ADK: variants seen among roughly 807,000 people sequenced by gnomAD.
ADK encodes the protein N6,N6-dimethyladenosine kinase.
In ADK, 24 loss-of-function variants were observed where a neutral mutation model predicts 44.7. The ratio of observed to expected loss-of-function variants is 0.54; its 90% CI spans 0.39 to 0.76. The LOEUF is 0.76. Ranked by LOEUF, ADK falls within the 30% of genes least tolerant of loss-of-function variation. The probability of loss-of-function intolerance (pLI) is 0.00; values close to 1 mark genes in which losing one functional copy is unlikely to be tolerated. For missense variants in ADK, 321 were observed against 425.1 expected (o/e 0.76, Z 2.15); for synonymous variants, 128 against 142.6 (o/e 0.90, Z 0.73).
At chr10:74,576,726 G>A (rs1369329636) in intron 7 of ADK, among the ~76,000 whole-genome samples, 2 of 151,900 alleles carry the variant, frequency 1.3e-5, no homozygotes, top group African/African-American at 2.4e-5. Flanking sequence ...TATAATGTTC[G>A]GTACAACAGA....
chr10:74,475,191 A>G lies in ADK; in HGVS notation c.556-50065A>G, dbSNP rs966366925. On this transcript the variant is annotated intron_variant, in intron 6 of 10. Transcript: ENST00000539909. ...AAACCCTTAATTGTCATTTATATCA[A>G]TAGGGCTCATGGATATTTATTTAGT... Among the ~76,000 whole-genome samples the G allele has an allele frequency of 3.9e-5, 6 of 152,166 alleles. No individual in the cohort carries two copies. In the East Asian group the frequency reaches 5.8e-4, roughly 15 times the overall value.
At chr10:74,248,926 A>G (rs1845536798) in intron 3 of ADK, among the ~76,000 whole-genome samples, 1 of 152,232 alleles carries the variant, frequency 6.6e-6, no homozygotes, top group Admixed American at 6.5e-5. Context: ...GATAAACATT[A>G]GAAAGGAGGA....
At chr10:74,191,904 A>C (rs1842963582) in intron 1 of ADK, among the ~76,000 whole-genome samples, 1 of 152,160 alleles carries the variant, frequency 6.6e-6, no homozygotes, top group African/African-American at 2.4e-5. Context: ...ACCACAAAGA[A>C]ATTTCTTCAT....
At chr10:74,531,388 TAA>T (rs1232647483) in intron 7 of ADK, among the ~76,000 whole-genome samples, 4 of 152,172 alleles carry the variant, frequency 2.6e-5, no homozygotes, top group African/African-American at 4.8e-5. Flanking sequence ...ACAAATTTGT[TAA>T]AAGACACAAA....
intron 2 of ADK, among the ~76,000 whole-genome samples, chr10:74,205,931 A>G (rs1843580407): frequency 6.6e-6 from 1 of 152,202 alleles, no homozygotes; most frequent in Non-Finnish European, 1.5e-5. Context: ...TATATAACGT[A>G]TCAAATTGTA....
At chr10:74,493,576 G>A (rs894729439) in intron 6 of ADK, among the ~76,000 whole-genome samples, 3 of 149,568 alleles carry the variant, frequency 2.0e-5, no homozygotes, top group Admixed American at 2.0e-4. Context: ...TATAGATGAG[G>A]TCTCCATATG....
intron 9 of ADK, among the ~76,000 whole-genome samples, chr10:74,649,482 A>G (rs946521543): frequency 1.2e-4 from 18 of 152,050 alleles, no homozygotes; most frequent in African/African-American, 4.3e-4. Flanking sequence ...ACAATTAGCC[A>G]GGTATGATGG....
chr10:74,321,901 G>C (rs1840820991), intron 4 of ADK, among the ~76,000 whole-genome samples: 1 of 151,964 alleles, frequency 6.6e-6, no homozygotes. Context: ...GAAGTTTTAG[G>C]AATTATGTTT....
At chr10:74,530,463 G>A (rs1241625660) in intron 7 of ADK, 1 of 151,994 alleles carries the variant, frequency 6.6e-6, no homozygotes, top group Non-Finnish European at 1.5e-5. Flanking sequence ...TAGTAATGAT[G>A]ATTTAAAACT....
intron 10 of ADK, among the ~76,000 whole-genome samples, chr10:74,692,604 T>C (rs1856034392): frequency 6.6e-6 from 1 of 152,242 alleles, no homozygotes; most frequent in Admixed American, 6.5e-5. Flanking sequence ...TGTGTGATTC[T>C]AACTACAGTC....
At chr10:74,542,778 A>G (rs1055950423) in intron 7 of ADK, among the ~76,000 whole-genome samples, 6 of 152,184 alleles carry the variant, frequency 3.9e-5, no homozygotes, top group African/African-American at 9.6e-5. Context: ...AAGGTAGCAC[A>G]CTATAGATAG....
chr10:74,460,241 C>A (rs889560324), intron 6 of ADK, among the ~76,000 whole-genome samples: 1 of 152,100 alleles, frequency 6.6e-6, no homozygotes, highest in Non-Finnish European at 1.5e-5. Flanking sequence ...ACAAAAACTT[C>A]TTGTTGTGAT....
intron 9 of ADK, among the ~76,000 whole-genome samples, chr10:74,602,401 A>T (rs1444346782): frequency 6.6e-6 from 1 of 152,178 alleles, no homozygotes; most frequent in Admixed American, 6.5e-5. Flanking sequence ...AGATTTACAA[A>T]ATATTCTTTG....
intron 7 of ADK, among the ~76,000 whole-genome samples, chr10:74,529,560 T>A (rs1849201136): frequency 6.6e-6 from 1 of 152,162 alleles, no homozygotes; most frequent in East Asian, 1.9e-4. Flanking sequence ...ATTCTACAAA[T>A]CAGTAAACTT....
Position 74,708,577 on chromosome 10 carries a change from AG to A in ADK, c.*135del, listed in dbSNP as rs1278370400. The stretch of plus-strand genomic sequence containing the variant: ...ATAATAATGCTGAATCTTAATTTAG[AG>A]GGTACAAGGGTATGGTAATGCTTGT... On this transcript the variant is annotated 3_prime_UTR_variant, in exon 11 of 11. Transcript: ENST00000539909. 4 of 967,524 alleles carry A rather than the reference AG, an allele frequency of 4.1e-6. No individual in the cohort carries two copies. In the African/African-American group the frequency reaches 6.6e-5, roughly 16 times the overall value. 59.9% of individuals were successfully genotyped at this position (967,524 alleles called of 1,614,324 possible). A position where few individuals can be genotyped will look rare whatever the true frequency, so the allele number is the denominator to read the frequency against.
At chr10:74,334,336 C>CA (rs749940208) in intron 4 of ADK, among the ~76,000 whole-genome samples, 24 of 152,142 alleles carry the variant, frequency 1.6e-4, no homozygotes, top group Non-Finnish European at 2.8e-4. Flanking sequence ...TGTTCCCAGA[C>CA]AAAAAGCAAG....
intron 2 of ADK, among the ~76,000 whole-genome samples, chr10:74,220,595 GA>G (rs1307166557): frequency 5.9e-5 from 9 of 152,262 alleles, no homozygotes; most frequent in Non-Finnish European, 1.3e-4. Flanking sequence ...CAATACCCTT[GA>G]TGAACATTAA....
intron 7 of ADK, among the ~76,000 whole-genome samples, chr10:74,568,677 A>G (rs1345258582): frequency 6.6e-6 from 1 of 151,558 alleles, no homozygotes. Context: ...TTTAATAAAA[A>G]TATTTATTTG....
intron 3 of ADK, among the ~76,000 whole-genome samples, chr10:74,269,716 T>C (rs1215408921): frequency 6.6e-6 from 1 of 152,180 alleles, no homozygotes; most frequent in Non-Finnish European, 1.5e-5. Context: ...TCACTTGAGC[T>C]CAGGAGTTCA....
Sources: allele counts gnomAD v4.1 joint callset (sites outside exome capture counted in the v4.1 genomes callset), GRCh38; gene constraint gnomAD v4.1.1; transcripts MANE v1.5; gene names NCBI Gene and HGNC (gene_info 2026-07-23, HGNC 2026-07-21).